The following CNTNAP5 variants were observed in gnomAD, a reference collection of about 807,000 sequenced individuals.
CNTNAP5 encodes contactin-associated protein-like 5.
Under a neutral mutation model 150.2 loss-of-function variants are expected in CNTNAP5, and 72 were observed. That is an observed-to-expected ratio of 0.48 (90% CI 0.40 to 0.58). The LOEUF (loss-of-function observed/expected upper bound fraction) is 0.58. Among genes scored for constraint, CNTNAP5 ranks in the 20% least tolerant of loss-of-function variants. The probability of loss-of-function intolerance (pLI) is 0.00; values close to 1 mark genes in which losing one functional copy is unlikely to be tolerated. For synonymous variants in CNTNAP5, 672 were observed against 619.8 expected, an observed-to-expected ratio of 1.08 and a Z score of -1.25; for missense variants, 1,636 against 1,626.2, an observed-to-expected ratio of 1.01 and a Z score of -0.10.
At chr2:124,578,575 A>C (rs887803527) in intron 11 of CNTNAP5, among the ~76,000 whole-genome samples, 11 of 152,090 alleles carry the variant, frequency 7.2e-5, no homozygotes, top group Non-Finnish European at 1.2e-4. Context: ...GTTTGAGACC[A>C]GCTTGGGCAA....
chr2:124,886,727 T>C (rs1678088939), intron 21 of CNTNAP5, among the ~76,000 whole-genome samples: 1 of 152,028 alleles, frequency 6.6e-6, no homozygotes, highest in Non-Finnish European at 1.5e-5. Flanking sequence ...TAAACACAAG[T>C]GTGAATATCT....
At chr2:124,791,886 C>A (rs1443168522) in intron 18 of CNTNAP5, among the ~76,000 whole-genome samples, 1 of 152,020 alleles carries the variant, frequency 6.6e-6, no homozygotes, top group East Asian at 1.9e-4. Context: ...TTACTATTTC[C>A]AAACTGTTCA....
chr2:124,549,820 A>G (rs1218459046), intron 10 of CNTNAP5, among the ~76,000 whole-genome samples: 7 of 152,268 alleles, frequency 4.6e-5, no homozygotes, highest in Non-Finnish European at 8.8e-5. Flanking sequence ...ATACGTTATT[A>G]TTTTAATGTC....
At chr2:124,210,788 CTTCTTT>C (rs1423558167) in intron 1 of CNTNAP5, among the ~76,000 whole-genome samples, 1 of 152,064 alleles carries the variant, frequency 6.6e-6, no homozygotes, top group African/African-American at 2.4e-5. Flanking sequence ...GCAGAATTTC[CTTCTTT>C]TTAAGTTTAT....
intron 21 of CNTNAP5, among the ~76,000 whole-genome samples, chr2:124,881,238 G>T (rs1392394205): frequency 1.3e-5 from 2 of 152,090 alleles, no homozygotes; most frequent in Admixed American, 6.6e-5. Context: ...AGACTGGTAT[G>T]CAGGCTATGC....
intron 17 of CNTNAP5, among the ~76,000 whole-genome samples, chr2:124,777,446 G>A (rs1681349435): frequency 6.6e-6 from 1 of 151,954 alleles, no homozygotes; most frequent in African/African-American, 2.4e-5. Context: ...ACGATCTCAG[G>A]ATCTCAGCTC....
intron 10 of CNTNAP5, among the ~76,000 whole-genome samples, chr2:124,534,871 A>G (rs980633908): frequency 6.6e-6 from 1 of 152,016 alleles, no homozygotes; most frequent in African/African-American, 2.4e-5. Context: ...TTGACTTCCT[A>G]TCTCATCCTG....
At chr2:124,051,197 C>T (rs1381186342) in intron 1 of CNTNAP5, among the ~76,000 whole-genome samples, 1 of 148,808 alleles carries the variant, frequency 6.7e-6, no homozygotes, top group Non-Finnish European at 1.5e-5. Context: ...CCATCTCTTT[C>T]CTCAAAAAAA....
intron 10 of CNTNAP5, among the ~76,000 whole-genome samples, chr2:124,530,375 G>T (rs1272568492): frequency 6.6e-6 from 1 of 152,148 alleles, no homozygotes; most frequent in African/African-American, 2.4e-5. Context: ...AGGCACAAAT[G>T]TTCCAAAATC....
At chr2:124,589,614 C>A (rs2104958513) in intron 11 of CNTNAP5, among the ~76,000 whole-genome samples, 1 of 151,848 alleles carries the variant, frequency 6.6e-6, no homozygotes, top group Admixed American at 6.6e-5. Flanking sequence ...AAACTTTGAA[C>A]AAAAAAAAGC....
intron 13 of CNTNAP5, among the ~76,000 whole-genome samples, chr2:124,703,210 C>T (rs938462751): frequency 7.4e-6 from 1 of 134,944 alleles, no homozygotes; most frequent in East Asian, 2.0e-4. Flanking sequence ...TTCCTTCTCC[C>T]TCTCTTTCTT....
intron 4 of CNTNAP5, among the ~76,000 whole-genome samples, chr2:124,425,000 A>G (rs1000157901): frequency 2.0e-5 from 3 of 152,200 alleles, no homozygotes; most frequent in Non-Finnish European, 4.4e-5. Flanking sequence ...AATGGCAGTG[A>G]TTTTAAAGGA....
At chr2:124,381,326 A>C (rs1395124712) in intron 3 of CNTNAP5, among the ~76,000 whole-genome samples, 1 of 152,170 alleles carries the variant, frequency 6.6e-6, no homozygotes, top group Non-Finnish European at 1.5e-5. Context: ...GAACCAGTAC[A>C]CCAGTTCTGG....
intron 1 of CNTNAP5, among the ~76,000 whole-genome samples, chr2:124,170,454 G>A (rs1210399990): frequency 1.3e-5 from 2 of 152,118 alleles, no homozygotes; most frequent in Non-Finnish European, 2.9e-5. Context: ...CTTCTCAGAT[G>A]AGTGGCGTCT....
intron 10 of CNTNAP5, among the ~76,000 whole-genome samples, chr2:124,531,056 A>G (rs1695094118): frequency 6.6e-6 from 1 of 151,956 alleles, no homozygotes; most frequent in Non-Finnish European, 1.5e-5. Context: ...TATGTGACTC[A>G]CCATAATGCA....
chr2:124,335,530 G>T (rs1689448828), intron 3 of CNTNAP5, among the ~76,000 whole-genome samples: 1 of 150,744 alleles, frequency 6.6e-6, no homozygotes, highest in Non-Finnish European at 1.5e-5. Context: ...GACAGGGACA[G>T]AGCAAAATGA....
intron 2 of CNTNAP5, 73 bp from the exon 3 acceptor site, chr2:124,242,127 T>C: frequency 8.1e-7 from 1 of 1,242,180 alleles, no homozygotes; most frequent in Non-Finnish European, 1.1e-6. Flanking sequence ...TTCATTTCCC[T>C]TTGATAGTTG....
chr2:124,060,111 G>GTGTGT (rs1157590165), intron 1 of CNTNAP5, among the ~76,000 whole-genome samples: 1 of 152,134 alleles, frequency 6.6e-6, no homozygotes, highest in Non-Finnish European at 1.5e-5. Flanking sequence ...TTCTATTTTA[G>GTGTGT]TGTGTTCAGG....
At chr2:124,100,598 G>T (rs1055091759) in intron 1 of CNTNAP5, among the ~76,000 whole-genome samples, 2 of 152,056 alleles carry the variant, frequency 1.3e-5, no homozygotes, top group Non-Finnish European at 2.9e-5. Context: ...GAGCACAGTG[G>T]CTCACGCTCA....
Sources: gnomAD v4.1 joint callset for allele counts (sites outside exome capture counted in the v4.1 genomes callset) on GRCh38, gnomAD v4.1.1 for gene constraint, MANE v1.5 for transcripts, NCBI Gene and HGNC (gene_info 2026-07-23, HGNC 2026-07-21) for gene names.